Variants in GRID1 observed in about 807,000 individuals in gnomAD.
The protein encoded by GRID1 is glutamate receptor ionotropic, delta-1.
Under a neutral mutation model 98.0 loss-of-function variants are expected in GRID1, and 28 were observed. That is an observed-to-expected ratio of 0.29 (90% CI 0.21 to 0.39). The LOEUF (loss-of-function observed/expected upper bound fraction) is 0.39, where lower values mean the gene tolerates loss of function less well. GRID1 is among the 10% of genes least tolerant of loss of function. GRID1 has a pLI of 1.00. For synonymous variants in GRID1, 553 were observed against 538.5 expected, an observed-to-expected ratio of 1.03 and a Z score of -0.37; for missense variants, 1,111 against 1,340.5, an observed-to-expected ratio of 0.83 and a Z score of 2.67.
At chr10:86,040,653 G>A (rs544472492) in intron 4 of GRID1, among the ~76,000 whole-genome samples, 6 of 152,276 alleles carry the variant, frequency 3.9e-5, no homozygotes, top group Admixed American at 1.3e-4. Context: ...TGTTAGATAG[G>A]AGGAATAAAT....
At chr10:85,779,358 G>C (rs1344936322) in intron 8 of GRID1, among the ~76,000 whole-genome samples, 2 of 152,108 alleles carry the variant, frequency 1.3e-5, no homozygotes, top group African/African-American at 4.8e-5. Flanking sequence ...TCTCTAACTT[G>C]ATGGGAGTCT....
intron 2 of GRID1, among the ~76,000 whole-genome samples, chr10:86,251,709 C>T (rs1476706149): frequency 6.6e-6 from 1 of 152,154 alleles, no homozygotes; most frequent in Non-Finnish European, 1.5e-5. Flanking sequence ...AGTGTCAGAG[C>T]CAGGACCAGG....
chr10:86,075,903 G>A (rs997965512), intron 4 of GRID1, among the ~76,000 whole-genome samples: 5 of 152,234 alleles, frequency 3.3e-5, no homozygotes, highest in South Asian at 2.1e-4. Flanking sequence ...CCCAGCACAC[G>A]AATGGCTGGT....
Position 85,602,661 on chromosome 10 carries a change from T to C in GRID1, c.2642A>G (p.Asn881Ser), listed in dbSNP as rs267602596. 6.2e-7 allele frequency: 1 copy of C among 1,613,786 alleles called. No individual in the cohort carries two copies. Among genetic ancestry groups the C allele is most frequent in the Non-Finnish European group, 8.5e-7 (1 of 1,179,840 alleles). ...VNLEQVHRRMNSLMDEDIAHK... is the reference protein window; with the variant it reads ...VNLEQVHRRMSSLMDEDIAHK... Reference sequence around the variant, plus strand: ...AGCAATGTCTTCATCCATGAGGCTGTTCATGCGCCGGTGGACCTGCTCCAA... The same window carrying C: ...AGCAATGTCTTCATCCATGAGGCTGCTCATGCGCCGGTGGACCTGCTCCAA... Residue 881 changes from asparagine to serine, a missense_variant, in exon 16 of 16, where the codon AAC (asparagine) becomes AGC (serine). Physicochemically the swap from Asn to Ser is conservative, Grantham distance 46. This residue lies in a region of GRID1 where 762 missense variants were observed against 869.1 expected (regional missense o/e 0.88). Transcript: ENST00000327946.
At chr10:86,288,202 C>T (rs1021805168) in intron 2 of GRID1, among the ~76,000 whole-genome samples, 2 of 152,214 alleles carry the variant, frequency 1.3e-5, no homozygotes, top group Non-Finnish European at 2.9e-5. Flanking sequence ...TGTTCACCTG[C>T]GAGAGCAGAG....
At chr10:86,254,142 T>C (rs1220250989) in intron 2 of GRID1, among the ~76,000 whole-genome samples, 1 of 152,032 alleles carries the variant, frequency 6.6e-6, no homozygotes, top group Non-Finnish European at 1.5e-5. Flanking sequence ...CACCTTTCCT[T>C]AGCACAGGAT....
At chr10:86,056,700 A>G (rs1374015118) in intron 4 of GRID1, among the ~76,000 whole-genome samples, 2 of 152,260 alleles carry the variant, frequency 1.3e-5, no homozygotes, top group Admixed American at 1.3e-4. Flanking sequence ...TGCAGCAGAC[A>G]GAGCCCCCAG....
intron 4 of GRID1, among the ~76,000 whole-genome samples, chr10:85,970,484 T>G (rs1564638572): frequency 6.6e-6 from 1 of 152,094 alleles, no homozygotes; most frequent in Non-Finnish European, 1.5e-5. Context: ...TCAAGTGAGA[T>G]TTATCCTAGG....
chr10:86,265,180 C>G (rs957134662), intron 2 of GRID1, among the ~76,000 whole-genome samples: 8 of 152,198 alleles, frequency 5.3e-5, no homozygotes, highest in African/African-American at 1.9e-4. Flanking sequence ...TCCCATACCC[C>G]CACCTCAGGC....
chr10:85,852,620 G>A (rs781391397), intron 8 of GRID1, among the ~76,000 whole-genome samples: 9 of 152,180 alleles, frequency 5.9e-5, no homozygotes, highest in South Asian at 4.1e-4. Context: ...GACCGTGGTC[G>A]ATGTGAACAG....
At chr10:85,922,825 G>A (rs770573848) in intron 4 of GRID1, among the ~76,000 whole-genome samples, 5 of 152,112 alleles carry the variant, frequency 3.3e-5, no homozygotes, top group Non-Finnish European at 7.3e-5. Flanking sequence ...AAGTTATGCC[G>A]GGAAGCATGA....
intron 5 of GRID1, among the ~76,000 whole-genome samples, chr10:85,890,783 A>G (rs996081174): frequency 6.6e-6 from 1 of 152,162 alleles, no homozygotes; most frequent in Admixed American, 6.6e-5. Flanking sequence ...AGAAGAAGGA[A>G]GAGAGAAAGA....
intron 4 of GRID1, among the ~76,000 whole-genome samples, chr10:86,035,484 C>T (rs1843248493): frequency 6.6e-6 from 1 of 152,182 alleles, no homozygotes; most frequent in Non-Finnish European, 1.5e-5. Context: ...GATCCAGCTC[C>T]AGACATGTGC....
chr10:85,716,147 T>C (rs1056619266), intron 12 of GRID1, among the ~76,000 whole-genome samples: 2 of 152,146 alleles, frequency 1.3e-5, no homozygotes, highest in African/African-American at 2.4e-5. Flanking sequence ...CCTCAGGTGA[T>C]TCACCAGTCT....
At chr10:85,981,976 A>G (rs1374429692) in intron 4 of GRID1, among the ~76,000 whole-genome samples, 1 of 152,196 alleles carries the variant, frequency 6.6e-6, no homozygotes, top group Non-Finnish European at 1.5e-5. Context: ...CAAGAAGGCA[A>G]GGAAACCAGC....
chr10:86,348,661 C>T (rs934447632), intron 2 of GRID1, among the ~76,000 whole-genome samples: 3 of 152,212 alleles, frequency 2.0e-5, no homozygotes, highest in Admixed American at 6.5e-5. Context: ...AGCACATCCA[C>T]GCACGTAGCA....
At chr10:86,042,903 T>C (rs995228875) in intron 4 of GRID1, among the ~76,000 whole-genome samples, 1 of 151,902 alleles carries the variant, frequency 6.6e-6, no homozygotes, top group African/African-American at 2.4e-5. Flanking sequence ...CAGGGCAACA[T>C]AGTAAGACCC....
At chr10:85,873,725 T>G (rs1345015273) in intron 5 of GRID1, among the ~76,000 whole-genome samples, 1 of 152,242 alleles carries the variant, frequency 6.6e-6, no homozygotes, top group Non-Finnish European at 1.5e-5. Flanking sequence ...AAACAATGTG[T>G]ATGCCTCTTG....
chr10:86,107,167 G>C (rs1442613844), intron 4 of GRID1, among the ~76,000 whole-genome samples: 2 of 152,212 alleles, frequency 1.3e-5, no homozygotes, highest in Non-Finnish European at 2.9e-5. Flanking sequence ...CTGAGTATTA[G>C]CGCTTTGCCT....
Sources: allele counts gnomAD v4.1 joint callset (sites outside exome capture counted in the v4.1 genomes callset), GRCh38; gene constraint gnomAD v4.1.1; regional missense constraint gnomAD v4.1.1; transcripts MANE v1.5; gene names NCBI Gene and HGNC (gene_info 2026-07-23, HGNC 2026-07-21).